The following RAB10 variants were observed in gnomAD, a reference collection of about 807,000 sequenced individuals.
RAB10 encodes the protein RAB10, member RAS oncogene family.
RAB10 carries 5 observed loss-of-function variants against 25.7 expected under a neutral mutation model. The observed-to-expected ratio is 0.19, with a 90% CI of 0.10 to 0.41. The LOEUF (loss-of-function observed/expected upper bound fraction) is 0.41, where lower values mean the gene tolerates loss of function less well. RAB10 is among the 10% of genes least tolerant of loss of function. The probability of loss-of-function intolerance (pLI) is 1.00; values close to 1 mark genes in which losing one functional copy is unlikely to be tolerated. For missense variants in RAB10, 103 were observed against 245.8 expected (o/e 0.42, Z 3.89); for synonymous variants, 89 against 86.4 (o/e 1.03, Z -0.16).
chr2:26,075,977 T>C (rs1666723766), intron 1 of RAB10, among the ~76,000 whole-genome samples: 2 of 151,942 alleles, frequency 1.3e-5, no homozygotes, highest in South Asian at 4.2e-4. Context: ...GGGAGGTGTA[T>C]CAATAAGGGC....
intron 1 of RAB10, among the ~76,000 whole-genome samples, chr2:26,060,279 TG>T (rs1666366732): frequency 6.7e-6 from 1 of 150,316 alleles, no homozygotes; most frequent in Admixed American, 6.6e-5. Context: ...AGTTCTTTTT[TG>T]TTTTTTTGTT....
intron 2 of RAB10, among the ~76,000 whole-genome samples, chr2:26,104,640 G>C (rs1667430757): frequency 6.6e-6 from 1 of 151,932 alleles, no homozygotes; most frequent in African/African-American, 2.4e-5. Context: ...GTAAGAAACA[G>C]TTGTCAAATC....
intron 1 of RAB10, among the ~76,000 whole-genome samples, chr2:26,090,937 C>A (rs905896444): frequency 1.6e-5 from 1 of 64,474 alleles, no homozygotes; most frequent in Non-Finnish European, 3.4e-5. Context: ...CTGTCTCCCC[C>A]CCCAAAAAAA....
intron 1 of RAB10, among the ~76,000 whole-genome samples, chr2:26,093,173 A>C (rs973799985): frequency 2.0e-5 from 3 of 152,134 alleles, no homozygotes; most frequent in Non-Finnish European, 2.9e-5. Flanking sequence ...TCACTGAATG[A>C]TATTGTTTCT....
chr2:26,049,072 A>C (rs1213484305), intron 1 of RAB10, among the ~76,000 whole-genome samples: 1 of 152,060 alleles, frequency 6.6e-6, no homozygotes, highest in Non-Finnish European at 1.5e-5. Context: ...AACTCTGTCC[A>C]TCATAGATCC....
chr2:26,094,245 T>A (rs181178930), intron 1 of RAB10, among the ~76,000 whole-genome samples: 1 of 147,198 alleles, frequency 6.8e-6, no homozygotes, highest in African/African-American at 2.5e-5. Context: ...TTCATCTCAT[T>A]TTTTCACTTC....
In RAB10 at chr2:26,075,985, G is replaced by A. The variant is rs117414268; in HGVS notation, c.128-22677G>A. The stretch of plus-strand genomic sequence containing the variant: ...TGGATCAGGGAGGTGTATCAATAAG[G>A]GCAGGCCAAAAAGAAGGCAGACATT... On this transcript the variant is annotated intron_variant, in intron 1 of 5. Transcript: ENST00000264710. 1.2e-3 allele frequency among the ~76,000 whole-genome samples: 188 copies of A among 152,152 alleles called. 3 individuals carry two copies. The East Asian group carries it at 0.034, about 28-fold the overall frequency.
chr2:26,129,359 T>C, intron 5 of RAB10, among the ~76,000 whole-genome samples: 1 of 151,942 alleles, frequency 6.6e-6, no homozygotes, highest in East Asian at 1.9e-4. Context: ...TTACATTTGG[T>C]AACCTTTCTA....
intron 1 of RAB10, among the ~76,000 whole-genome samples, chr2:26,065,953 A>G (rs1666504152): frequency 6.6e-6 from 1 of 152,216 alleles, no homozygotes; most frequent in South Asian, 2.1e-4. Context: ...TTTTACCATG[A>G]CAGTCTACTT....
At chr2:26,033,807 G>C (rs1342062243), upstream of RAB10, among the ~76,000 whole-genome samples, 4 of 152,138 alleles carry the variant, frequency 2.6e-5, no homozygotes, top group East Asian at 5.8e-4. Flanking sequence ...GGGTCGGAGG[G>C]GGGGCGCTGC....
At chr2:26,110,220 C>A (rs1186964702) in intron 3 of RAB10, among the ~76,000 whole-genome samples, 2 of 151,794 alleles carry the variant, frequency 1.3e-5, no homozygotes, top group Non-Finnish European at 2.9e-5. Context: ...CACCTGTCGT[C>A]CCAGCTACTC....
At position 26,044,873 on chromosome 2, in the gene RAB10, A is replaced by G. The variant is rs143360712; in HGVS notation, c.127+10138A>G. ...GAGTTTTTATTAGAATCCACAGCCAATCTTATTCATAACCACATTGCTCAT... is the reference window on the plus strand; with the variant it reads ...GAGTTTTTATTAGAATCCACAGCCAGTCTTATTCATAACCACATTGCTCAT... On this transcript the variant is annotated intron_variant, in intron 1 of 5. Coordinates refer to ENST00000264710, the MANE Select transcript of RAB10 (RefSeq NM_016131.5). Among the ~76,000 whole-genome samples the G allele has an allele frequency of 1.3e-3, 200 of 152,208 alleles. 4 individuals are homozygous for G. In the East Asian group the frequency reaches 0.034, roughly 26 times the overall value.
At chr2:26,082,925 G>A (rs1181776729) in intron 1 of RAB10, among the ~76,000 whole-genome samples, 2 of 152,124 alleles carry the variant, frequency 1.3e-5, no homozygotes, top group Non-Finnish European at 1.5e-5. Flanking sequence ...TTCCAGGAAT[G>A]CAAGGTTGGT....
intron 1 of RAB10, among the ~76,000 whole-genome samples, chr2:26,073,060 G>A (rs1387128340): frequency 6.6e-6 from 1 of 152,208 alleles, no homozygotes; most frequent in East Asian, 1.9e-4. Flanking sequence ...CCAAGTTTCA[G>A]TGATGAGATT....
intron 1 of RAB10, among the ~76,000 whole-genome samples, chr2:26,084,083 T>A (rs1666926222): frequency 6.6e-6 from 1 of 152,184 alleles, no homozygotes; most frequent in South Asian, 2.1e-4. Flanking sequence ...ATGCCAAACA[T>A]ATTTGCATGT....
intron 1 of RAB10, among the ~76,000 whole-genome samples, chr2:26,041,262 C>T (rs953322547): frequency 2.0e-5 from 3 of 151,960 alleles, no homozygotes; most frequent in South Asian, 2.1e-4. Context: ...TAGCTGTGGC[C>T]GGGCGCAGTG....
At chr2:26,104,777 G>A (rs1323835833) in intron 2 of RAB10, among the ~76,000 whole-genome samples, 4 of 145,408 alleles carry the variant, frequency 2.8e-5, no homozygotes, top group South Asian at 2.2e-4. Flanking sequence ...TTGCTCTGTC[G>A]CCCAGGCTGG....
intron 1 of RAB10, among the ~76,000 whole-genome samples, chr2:26,073,724 T>TA (rs1269232378): frequency 1.3e-5 from 2 of 152,192 alleles, no homozygotes; most frequent in African/African-American, 4.8e-5. Context: ...ACTCCACAGT[T>TA]ACCTTCCAAT....
intron 1 of RAB10, among the ~76,000 whole-genome samples, chr2:26,037,106 C>T (rs939577720): frequency 6.6e-6 from 1 of 152,154 alleles, no homozygotes; most frequent in African/African-American, 2.4e-5. Flanking sequence ...TCCTTAGGAA[C>T]AGTGTGGAGT....
Sources: allele counts gnomAD v4.1 joint callset (sites outside exome capture counted in the v4.1 genomes callset), GRCh38; gene constraint gnomAD v4.1.1; transcripts MANE v1.5; gene names NCBI Gene and HGNC (gene_info 2026-07-23, HGNC 2026-07-21).